Variants in PCSK2 observed in about 807,000 individuals in gnomAD.
PCSK2 encodes neuroendocrine convertase 2.
PCSK2 carries 14 observed loss-of-function variants against 69.7 expected under a neutral mutation model. The observed-to-expected ratio is 0.20, with a 90% CI of 0.13 to 0.31. The LOEUF (loss-of-function observed/expected upper bound fraction) is 0.31. PCSK2 is among the 10% of genes least tolerant of loss of function. PCSK2 has a pLI of 1.00. For missense variants in PCSK2, 544 were observed against 842.5 expected (o/e 0.65, Z 4.39); for synonymous variants, 307 against 320.7 (o/e 0.96, Z 0.46).
rs111425762 is a variant in PCSK2, at chr20:17,445,653, A to T, written c.886-8089A>T. On this transcript the variant is annotated intron_variant, in intron 8 of 11. Coordinates refer to ENST00000262545, the MANE Select transcript of PCSK2 (RefSeq NM_002594.5). ...GGGAGGCCACAGTGCCTCCTGCTGA[A>T]ATTTAATCAGAGCCACGGGTCGTAC... Among the ~76,000 whole-genome samples the T allele has an allele frequency of 8.8e-3, 1,335 of 152,330 alleles. 19 individuals are homozygous for T. Among genetic ancestry groups the T allele is most frequent in the South Asian group, 0.041 (197 of 4,828 alleles).
intron 2 of PCSK2, among the ~76,000 whole-genome samples, chr20:17,338,223 G>C (rs6105743): frequency 0.6 from 89,075 of 147,278 alleles, 28,250 homozygotes; most frequent in East Asian, 0.97. Context: ...TTGAGACGGA[G>C]TCTCACTCTG....
chr20:17,465,796 T>C lies in PCSK2; in HGVS notation c.1430+243T>C, dbSNP rs144036777. 7.3e-3 allele frequency among the ~76,000 whole-genome samples: 1,112 copies of C among 152,284 alleles called. 9 individuals carry two copies. Among genetic ancestry groups the C allele is most frequent in the Non-Finnish European group, 0.012 (806 of 68,018 alleles). ...AATCCTCCTGCCTCAGACTTCCAAGTAGCTAGGGCCACAGGCATGCGCCAC... is the reference window on the plus strand; with the variant it reads ...AATCCTCCTGCCTCAGACTTCCAAGCAGCTAGGGCCACAGGCATGCGCCAC... On this transcript the variant is annotated intron_variant, in intron 11 of 11. Coordinates refer to ENST00000262545, the MANE Select transcript of PCSK2 (RefSeq NM_002594.5).
intron 1 of PCSK2, among the ~76,000 whole-genome samples, chr20:17,236,043 T>C (rs1986326011): frequency 6.6e-6 from 1 of 152,124 alleles, no homozygotes; most frequent in Non-Finnish European, 1.5e-5. Flanking sequence ...TTTTTAATTA[T>C]CTCAAATCTC....
intron 2 of PCSK2, among the ~76,000 whole-genome samples, 163 bp from the exon 3 acceptor site, chr20:17,358,164 A>G (rs905777665): frequency 6.6e-6 from 1 of 152,078 alleles, no homozygotes; most frequent in African/African-American, 2.4e-5. Flanking sequence ...ATACAAAATA[A>G]TAATAATAAT....
chr20:17,226,636 C>A (rs2122916623), upstream of PCSK2, among the ~76,000 whole-genome samples: 1 of 152,058 alleles, frequency 6.6e-6, no homozygotes, highest in South Asian at 2.1e-4. Context: ...GAGAGCGGCA[C>A]ACACCGTAAT....
chr20:17,456,487 G>T (rs771521126), intron 10 of PCSK2, 39 bp downstream of exon 10: 3 of 1,121,784 alleles, frequency 2.7e-6, no homozygotes, highest in Non-Finnish European at 4.1e-6. Context: ...AGCTCTGCAG[G>T]GTGGACTAAC....
At chr20:17,470,297 AT>A (rs2033178192) in intron 11 of PCSK2, among the ~76,000 whole-genome samples, 1 of 152,166 alleles carries the variant, frequency 6.6e-6, no homozygotes, top group Non-Finnish European at 1.5e-5. Context: ...AAGAGTTTTC[AT>A]TTTATTTCAT....
chr20:17,248,132 T>C (rs1986835431), intron 1 of PCSK2, among the ~76,000 whole-genome samples: 1 of 151,952 alleles, frequency 6.6e-6, no homozygotes, highest in South Asian at 2.1e-4. Context: ...TCTGGAACCA[T>C]GCATATTTTG....
intron 2 of PCSK2, among the ~76,000 whole-genome samples, chr20:17,285,386 C>T (rs922843492): frequency 3.3e-5 from 5 of 152,116 alleles, no homozygotes; most frequent in Non-Finnish European, 7.3e-5. Context: ...TTAAAACTGA[C>T]CTGCTTGGAA....
intron 6 of PCSK2, among the ~76,000 whole-genome samples, chr20:17,429,183 A>G (rs1284728377): frequency 6.6e-6 from 1 of 151,916 alleles, no homozygotes; most frequent in Non-Finnish European, 1.5e-5. Flanking sequence ...TTATTTCTCT[A>G]TTGCGGCTTT....
At chr20:17,346,633 T>C (rs1259167557) in intron 2 of PCSK2, among the ~76,000 whole-genome samples, 2 of 152,200 alleles carry the variant, frequency 1.3e-5, no homozygotes, top group African/African-American at 4.8e-5. Context: ...GAGAGGAACA[T>C]GTCATTTTGG....
At chr20:17,373,378 T>C (rs999431076) in intron 5 of PCSK2, among the ~76,000 whole-genome samples, 3 of 152,162 alleles carry the variant, frequency 2.0e-5, no homozygotes, top group South Asian at 2.1e-4. Context: ...GACAACTTCG[T>C]CAGTCATTGG....
Position 17,441,699 on chromosome 20 carries a change from C to T in PCSK2, c.885+4816C>T, listed in dbSNP as rs937401672. Among the ~76,000 whole-genome samples, 3 of 152,122 alleles carry T rather than the reference C, an allele frequency of 2.0e-5. No individual in the cohort carries two copies. The East Asian group carries it at 5.8e-4, about 29-fold the overall frequency. On this transcript the variant is annotated intron_variant, in intron 8 of 11. Transcript: ENST00000262545. The stretch of plus-strand genomic sequence containing the variant: ...TGAGATCTCATGAGATCTCATAAGA[C>T]TTATTCACTATCAAGAGAACAGCAT...
In PCSK2 at chr20:17,481,683, C is replaced by T. The variant is rs753287395; in HGVS notation, c.1530C>T (p.Val510=). 4 of 1,614,028 alleles carry T rather than the reference C, an allele frequency of 2.5e-6. No homozygotes were observed. In the African/African-American group the frequency reaches 4.0e-5, roughly 16 times the overall value. ...FVRYLEHVQA[V]ITVNATRRGD... is the part of the protein sequence containing the mutation. ...GCTACCTGGAGCATGTCCAGGCTGT[C>T]ATCACGGTCAACGCAACCAGAAGAG... Residue 510 remains valine, a synonymous_variant, in exon 12 of 12, where the codon GTC becomes GTT. Transcript: ENST00000262545.
intron 1 of PCSK2, among the ~76,000 whole-genome samples, chr20:17,240,600 A>C (rs1020453051): frequency 1.3e-5 from 2 of 152,164 alleles, no homozygotes; most frequent in Non-Finnish European, 2.9e-5. Flanking sequence ...CATGTGCTAC[A>C]CAGAGGACCT....
Position 17,453,767 on chromosome 20 carries a change from A to G in PCSK2, c.911A>G (p.Tyr304Cys). The change falls in exon 9 of 12, where the codon TAC (tyrosine) becomes TGC (cysteine). Residue 304 changes from tyrosine to cysteine, a missense_variant. Tyr to Cys is a radical substitution (Grantham distance 194). This residue lies in a region of PCSK2 where 187 missense variants were observed against 399.8 expected (regional missense o/e 0.47). Transcript: ENST00000262545. The surrounding 1 kb of genome is among the most constrained non-coding windows in gnomAD (Gnocchi z 4.0). ...GGCCGCGGCGGCAAAGGCAGCATCT[A>G]CGTGTGGGCCTCCGGGGACGGCGGC... ...NKGRGGKGSIYVWASGDGGSY... is the reference protein window; with the variant it reads ...NKGRGGKGSICVWASGDGGSY... 1.2e-6 allele frequency: 2 copies of G among 1,613,806 alleles called. No individual in the cohort carries two copies. Among genetic ancestry groups the G allele is most frequent in the African/African-American group, 2.7e-5 (2 of 75,050 alleles).
chr20:17,422,373 G>C (rs2123326061), intron 6 of PCSK2, among the ~76,000 whole-genome samples: 1 of 152,202 alleles, frequency 6.6e-6, no homozygotes, highest in South Asian at 2.1e-4. Context: ...AAAGGTGTGA[G>C]ATCATTAAGA....
At chr20:17,295,867 C>T (rs1988875475) in intron 2 of PCSK2, among the ~76,000 whole-genome samples, 1 of 152,070 alleles carries the variant, frequency 6.6e-6, no homozygotes, top group Non-Finnish European at 1.5e-5. Context: ...CTCACTTTTA[C>T]AAATAAAGAT....
chr20:17,319,454 G>A (rs965537796), intron 2 of PCSK2, among the ~76,000 whole-genome samples: 2 of 152,150 alleles, frequency 1.3e-5, no homozygotes, highest in African/African-American at 4.8e-5. Flanking sequence ...CTGTCTGGGA[G>A]GTGCAAGGGA....
Sources: gnomAD v4.1 joint callset for allele counts (sites outside exome capture counted in the v4.1 genomes callset) on GRCh38, gnomAD v4.1.1 for gene constraint, gnomAD v4.1.1 regional missense constraint, Gnocchi (gnomAD v3.1) non-coding constraint, MANE v1.5 for transcripts, NCBI Gene and HGNC (gene_info 2026-07-23, HGNC 2026-07-21) for gene names.